Variants in CUX2 observed in about 807,000 individuals in gnomAD.
CUX2 encodes homeobox protein cut-like 2.
A neutral mutation model predicts 144.8 loss-of-function variants in CUX2; 40 were observed. That is an observed-to-expected ratio of 0.28 (90% CI 0.21 to 0.36). The LOEUF (loss-of-function observed/expected upper bound fraction) is 0.36, where lower values mean the gene tolerates loss of function less well. Ranked by LOEUF, CUX2 falls within the 10% of genes least tolerant of loss-of-function variation. The pLI is 1.00. For synonymous variants in CUX2, 827 were observed against 875.6 expected, an observed-to-expected ratio of 0.94 and a Z score of 0.98; for missense variants, 1,615 against 1,994.0, an observed-to-expected ratio of 0.81 and a Z score of 3.62.
chr12:111,195,258 C>A (rs540662370), intron 1 of CUX2, among the ~76,000 whole-genome samples: 1 of 152,094 alleles, frequency 6.6e-6, no homozygotes, highest in East Asian at 1.9e-4. Context: ...ACTGTTCCAT[C>A]GCTTAAAAAT....
intron 4 of CUX2, among the ~76,000 whole-genome samples, chr12:111,283,157 G>T (rs1885204956): frequency 6.6e-6 from 1 of 152,054 alleles, no homozygotes; most frequent in African/African-American, 2.4e-5. Flanking sequence ...GGCAGAGGTT[G>T]CAGTGAGCCA....
In CUX2 at chr12:111,222,358, T is replaced by C. The variant is rs574869839; in HGVS notation, c.222+4421T>C. On this transcript the variant is annotated intron_variant, in intron 3 of 21. Coordinates refer to ENST00000261726, the MANE Select transcript of CUX2 (RefSeq NM_015267.4). Reference sequence around the variant, plus strand: ...TATGCTAACTCGGAGGTGAAACTTTTCTGAAGCGCGTGTGCACTGTCCCAG... The same window carrying C: ...TATGCTAACTCGGAGGTGAAACTTTCCTGAAGCGCGTGTGCACTGTCCCAG... Among the ~76,000 whole-genome samples the C allele has an allele frequency of 7.9e-5, 12 of 152,368 alleles. No homozygotes were observed. In the South Asian group the frequency reaches 2.3e-3, roughly 29 times the overall value.
rs1276162139 is a variant in CUX2 at position 111,186,626 on chromosome 12, G to C, written c.64-27574G>C. ...GCACAGAGGCAGGGTCCCTGGGCTCGCCTTCAGCGCCGCCATCTGCCAGCT... is the reference window on the plus strand; with the variant it reads ...GCACAGAGGCAGGGTCCCTGGGCTCCCCTTCAGCGCCGCCATCTGCCAGCT... On this transcript the variant is annotated intron_variant, in intron 1 of 21. Transcript: ENST00000261726. The surrounding 1 kb of genome is among the most constrained non-coding windows in gnomAD (Gnocchi z 4.4). Among the ~76,000 whole-genome samples the C allele has an allele frequency of 6.6e-6, 1 of 152,184 alleles. No homozygotes were observed. Among genetic ancestry groups the C allele is most frequent in the African/African-American group, 2.4e-5 (1 of 41,452 alleles).
At chr12:111,244,804 A>G (rs1423756458) in intron 3 of CUX2, among the ~76,000 whole-genome samples, 3 of 152,192 alleles carry the variant, frequency 2.0e-5, no homozygotes, top group Admixed American at 6.5e-5. Context: ...CCAGGGTGTC[A>G]GGAAACCTCA....
At chr12:111,169,039 C>T (rs1193105024) in intron 1 of CUX2, among the ~76,000 whole-genome samples, 1 of 152,080 alleles carries the variant, frequency 6.6e-6, no homozygotes, top group Non-Finnish European at 1.5e-5. Flanking sequence ...CCACCTAGAA[C>T]CTCAGGGTAT....
chr12:111,125,618 T>C (rs1875008532), intron 1 of CUX2, among the ~76,000 whole-genome samples: 3 of 152,268 alleles, frequency 2.0e-5, no homozygotes, highest in Admixed American at 2.0e-4. Flanking sequence ...TGCCTAGATA[T>C]ATCACATTTT....
chr12:111,056,827 T>C (rs1448375047), intron 1 of CUX2, among the ~76,000 whole-genome samples: 2 of 152,148 alleles, frequency 1.3e-5, no homozygotes, highest in African/African-American at 4.8e-5. Flanking sequence ...GTGATTCAGG[T>C]GACTCAGGCT....
At chr12:111,242,479 G>T (rs921759503) in intron 3 of CUX2, among the ~76,000 whole-genome samples, 10 of 152,158 alleles carry the variant, frequency 6.6e-5, no homozygotes, top group African/African-American at 2.4e-4. Flanking sequence ...TACTTGCTCC[G>T]TGGCTCTTGA....
At chr12:111,214,508 G>A (rs762502554) in intron 2 of CUX2, among the ~76,000 whole-genome samples, 198 bp downstream of exon 2, 13 of 152,150 alleles carry the variant, frequency 8.5e-5, no homozygotes, top group Non-Finnish European at 1.8e-4. Flanking sequence ...AAGGGAGGGC[G>A]GGGCGTTTCT....
At chr12:111,330,918 A>G (rs997593972) in intron 18 of CUX2, among the ~76,000 whole-genome samples, 1 of 150,892 alleles carries the variant, frequency 6.6e-6, no homozygotes, top group African/African-American at 2.4e-5. Context: ...TCAAGGTGCT[A>G]TTAGACCCCA....
chr12:111,137,451 G>A (rs897941989), intron 1 of CUX2, among the ~76,000 whole-genome samples: 1 of 152,164 alleles, frequency 6.6e-6, no homozygotes, highest in East Asian at 1.9e-4. Flanking sequence ...AGGGGAAAAT[G>A]GTAGAGCATT....
intron 1 of CUX2, among the ~76,000 whole-genome samples, chr12:111,212,434 G>C (rs1881285413): frequency 1.3e-5 from 2 of 152,182 alleles, no homozygotes. Context: ...TGTCACCCAG[G>C]CTGGAATGCA....
At chr12:111,197,056 T>C (rs554304539) in intron 1 of CUX2, among the ~76,000 whole-genome samples, 1 of 151,756 alleles carries the variant, frequency 6.6e-6, no homozygotes, top group Non-Finnish European at 1.5e-5. Context: ...TAAAAGAGAG[T>C]GGACGGGCTC....
intron 1 of CUX2, among the ~76,000 whole-genome samples, chr12:111,064,476 C>T (rs7954644): frequency 0.071 from 10,883 of 152,258 alleles, 1,290 homozygotes; most frequent in African/African-American, 0.25. Flanking sequence ...TGATTCTGGT[C>T]TAGCATGGAG....
In CUX2 at chr12:111,263,625, A is replaced by AAAAAAAAAC. The variant is rs1555209474; in HGVS notation, c.223-132_223-131insAAAACAAAA. The AAAAAAAAAC allele has an allele frequency of 5.2e-6, 4 of 765,630 alleles. No homozygotes were observed. The African/African-American group carries it at 5.6e-5, about 11-fold the overall frequency. The allele number at this position is 765,630 out of a possible 1,614,324, so 47.4% of individuals were successfully genotyped here. ...GGGCGACAGAGCAAGACTCTCTCTC[A>AAAAAAAAAC]AAAACAAAACAAAACAAAACAAAAC... On this transcript the variant is annotated intron_variant, in intron 3 of 21. Coordinates refer to ENST00000261726, the MANE Select transcript of CUX2 (RefSeq NM_015267.4). The surrounding 1 kb of genome is among the most constrained non-coding windows in gnomAD (Gnocchi z 4.0).
chr12:111,291,413 C>G lies in CUX2; in HGVS notation c.302-5C>G. The G allele has an allele frequency of 6.2e-7, 1 of 1,605,560 alleles. No homozygotes were observed. Among genetic ancestry groups the G allele is most frequent in the Non-Finnish European group, 8.5e-7 (1 of 1,176,152 alleles). ...CACTATCCCTGTCTTTCTCTCCCTG[C>G]ACAGACCCCGTGCCTGTGTTTGAGG... On this transcript the variant is annotated splice_region_variant and splice_polypyrimidine_tract_variant and intron_variant, in intron 4 of 21. Transcript: ENST00000261726.
At chr12:111,142,109 G>C (rs950956774) in intron 1 of CUX2, among the ~76,000 whole-genome samples, 2 of 152,136 alleles carry the variant, frequency 1.3e-5, no homozygotes, top group African/African-American at 4.8e-5. Context: ...CTATTGCCTG[G>C]GGGCAGGGCA....
chr12:111,166,045 G>C (rs1878120556), intron 1 of CUX2, among the ~76,000 whole-genome samples: 1 of 152,068 alleles, frequency 6.6e-6, no homozygotes, highest in South Asian at 2.1e-4. Context: ...TATAGACTGG[G>C]TGTCTCGCTG....
chr12:111,241,227 C>T (rs1382439159), intron 3 of CUX2, among the ~76,000 whole-genome samples: 1 of 152,110 alleles, frequency 6.6e-6, no homozygotes, highest in African/African-American at 2.4e-5. Flanking sequence ...TCACAACCTG[C>T]TCTCAGGAAA....
Sources: gnomAD v4.1 joint callset for allele counts (sites outside exome capture counted in the v4.1 genomes callset) on GRCh38, gnomAD v4.1.1 for gene constraint, Gnocchi (gnomAD v3.1) non-coding constraint, MANE v1.5 for transcripts, NCBI Gene and HGNC (gene_info 2026-07-23, HGNC 2026-07-21) for gene names.